The following NUDC variants were observed in gnomAD, a reference collection of about 807,000 sequenced individuals.
NUDC encodes the protein nuclear migration protein nudC.
In NUDC, 14 loss-of-function variants were observed where a neutral mutation model predicts 45.0. The observed-to-expected ratio is 0.31, with a 90% confidence interval of 0.21 to 0.49. NUDC has a LOEUF of 0.49. NUDC is among the 20% of genes least tolerant of loss of function. The probability of loss-of-function intolerance (pLI) is 0.99; values close to 1 mark genes in which losing one functional copy is unlikely to be tolerated. For missense variants in NUDC, 323 were observed against 426.2 expected (o/e 0.76, Z 2.13); for synonymous variants, 153 against 156.7 (o/e 0.98, Z 0.17).
At chr1:26,927,275 G>GTGTGTGTGTGTGTA in intron 2 of NUDC, among the ~76,000 whole-genome samples, 1 of 149,814 alleles carries the variant, frequency 6.7e-6, no homozygotes, top group Non-Finnish European at 1.5e-5. Flanking sequence ...GTGTGTGTGT[G>GTGTGTGTGTGTGTA]TGTGTGTGTG....
intron 2 of NUDC, among the ~76,000 whole-genome samples, chr1:26,905,823 A>G (rs1339101737): frequency 1.3e-5 from 2 of 152,158 alleles, no homozygotes; most frequent in Non-Finnish European, 2.9e-5. Flanking sequence ...ACATTGGCAC[A>G]TCCTTCACTC....
chr1:26,914,075 AAC>A (rs1227740982), intron 3 of NUDC: 9 of 719,644 alleles, frequency 1.3e-5, no homozygotes, highest in Non-Finnish European at 1.6e-5. Flanking sequence ...CATTGAAAAA[AAC>A]ACACAGACAT....
intron 8 of NUDC, 21 bp from the exon 9 acceptor site, chr1:26,946,109 A>ATCT (rs36086018): frequency 0.079 from 127,320 of 1,610,876 alleles, 6,071 homozygotes; most frequent in African/African-American, 0.21. Context: ...GAGCTGTTTC[A>ATCT]TCTTGCTTCC....
intron 2 of NUDC, among the ~76,000 whole-genome samples, chr1:26,908,199 G>A (rs1219600194): frequency 1.3e-5 from 2 of 151,750 alleles, no homozygotes; most frequent in Non-Finnish European, 2.9e-5. Context: ...AAGAGTCTTA[G>A]CACAGACAGT....
intron 3 of NUDC, among the ~76,000 whole-genome samples, chr1:26,912,317 G>A (rs1337654453): frequency 6.6e-6 from 1 of 152,060 alleles, no homozygotes; most frequent in African/African-American, 2.4e-5. Flanking sequence ...TAAGAATTAG[G>A]CTTCCTGGGT....
At chr1:26,928,169 T>C (rs904747766) in intron 2 of NUDC, among the ~76,000 whole-genome samples, 1 of 152,166 alleles carries the variant, frequency 6.6e-6, no homozygotes, top group African/African-American at 2.4e-5. Flanking sequence ...CTGGCATTTA[T>C]GAGGATTTAA....
chr1:26,900,512 C>A, intron 1 of NUDC: 2 of 1,322,912 alleles, frequency 1.5e-6, no homozygotes, highest in South Asian at 2.7e-5. Context: ...CCAGCCCCTG[C>A]GTTGCGAGAT....
intron 2 of NUDC, among the ~76,000 whole-genome samples, chr1:26,926,520 A>G (rs557244594): frequency 6.6e-6 from 1 of 152,314 alleles, no homozygotes; most frequent in South Asian, 2.1e-4. Flanking sequence ...ACTACCTGTA[A>G]AACCTCATGC....
chr1:26,945,399 A>C lies in NUDC; in HGVS notation c.751A>C (p.Met251Leu). 1 of 1,614,098 alleles carries C rather than the reference A, an allele frequency of 6.2e-7. No homozygotes were observed. ...VTVHLEKINK[M>L]EWWSRLVSSD... ...GTTGTTCTCTTCACAGATCAATAAG[A>C]TGGAGTGGTGGAGCCGCTTGGTGTC... is the stretch of plus-strand genomic sequence containing the variant. Residue 251 changes from methionine (M) to leucine (L), a missense_variant, in exon 7 of 9, where the codon ATG (methionine) becomes CTG (leucine). Met to Leu is a conservative substitution (Grantham distance 15). Coordinates refer to ENST00000321265, the MANE Select transcript of NUDC (RefSeq NM_006600.4).
chr1:26,907,679 A>G (rs1437500877), intron 2 of NUDC, among the ~76,000 whole-genome samples: 1 of 152,144 alleles, frequency 6.6e-6, no homozygotes, highest in Middle Eastern at 3.2e-3. Flanking sequence ...ATAAAATGGT[A>G]CTCTAGGCTG....
chr1:26,905,157 AT>A (rs71007901), intron 2 of NUDC, among the ~76,000 whole-genome samples: 5,666 of 84,162 alleles, frequency 0.067, 176 homozygotes, highest in Non-Finnish European at 0.089. Context: ...TATTATTATT[AT>A]TTTTTTTTTT....
rs139031653 is a variant in NUDC at position 26,940,065 on chromosome 1, G to A, written c.160-1392G>A. On this transcript the variant is annotated intron_variant, in intron 2 of 8. Coordinates refer to ENST00000321265, the MANE Select transcript of NUDC (RefSeq NM_006600.4). ...CCTGGAGTGGAAACCTCCTGGGAAGGTGTAGTGGAGAAAAAGGATTTGAAG... is the reference window on the plus strand; with the variant it reads ...CCTGGAGTGGAAACCTCCTGGGAAGATGTAGTGGAGAAAAAGGATTTGAAG... 1.4e-4 allele frequency among the ~76,000 whole-genome samples: 22 copies of A among 152,308 alleles called. No homozygotes were observed. The East Asian group carries it at 4.2e-3, about 29-fold the overall frequency.
At chr1:26,904,011 AAAAT>A (rs574448515) in intron 2 of NUDC, among the ~76,000 whole-genome samples, 1 of 143,902 alleles carries the variant, frequency 6.9e-6, no homozygotes, top group Non-Finnish European at 1.5e-5. Context: ...ACTCCGTCTC[AAAAT>A]AAATAAATAA....
At chr1:26,909,806 T>C (rs966575429) in intron 2 of NUDC, among the ~76,000 whole-genome samples, 1 of 151,770 alleles carries the variant, frequency 6.6e-6, no homozygotes, top group Non-Finnish European at 1.5e-5. Context: ...AGGTCTGAGT[T>C]TGGGGCATCT....
chr1:26,921,998 C>G, intron 1 of NUDC, 69 bp downstream of exon 1: 8 of 1,476,288 alleles, frequency 5.4e-6, no homozygotes, highest in Non-Finnish European at 7.4e-6. Context: ...TCTCTGCCTT[C>G]GAGGGCTGAG....
chr1:26,918,903 G>A (rs972910828), upstream of NUDC, among the ~76,000 whole-genome samples: 3 of 151,838 alleles, frequency 2.0e-5, no homozygotes, highest in African/African-American at 4.8e-5. Flanking sequence ...TCAGCCTCCC[G>A]TGTAGCTGGG....
chr1:26,927,187 C>CGTGTGTGTGTGTGTGTGTGT (rs71010306), intron 2 of NUDC, among the ~76,000 whole-genome samples: 4 of 126,742 alleles, frequency 3.2e-5, no homozygotes, highest in African/African-American at 1.0e-4. Context: ...AGAGATGAAC[C>CGTGTGTGTGTGTGTGTGTGT]GTGTGTGTGT....
intron 3 of NUDC, among the ~76,000 whole-genome samples, chr1:26,915,991 G>C (rs1251306186): frequency 6.6e-6 from 1 of 152,004 alleles, no homozygotes; most frequent in African/African-American, 2.4e-5. Flanking sequence ...TTCTCTTTCT[G>C]TGCCTCAGTT....
intron 3 of NUDC, among the ~76,000 whole-genome samples, chr1:26,916,544 TAG>T (rs1302155248): frequency 2.6e-5 from 4 of 152,184 alleles, no homozygotes; most frequent in Non-Finnish European, 4.4e-5. Context: ...CTTTCTGGTA[TAG>T]CAAGATATCA....
Sources: gnomAD v4.1 joint callset for allele counts (sites outside exome capture counted in the v4.1 genomes callset) on GRCh38, gnomAD v4.1.1 for gene constraint, MANE v1.5 for transcripts, NCBI Gene and HGNC (gene_info 2026-07-23, HGNC 2026-07-21) for gene names.